The following TRPM2 variants were observed in gnomAD, a reference collection of about 807,000 sequenced individuals.
TRPM2 encodes estrogen-responsive element-associated gene 1 protein.
A neutral mutation model predicts 174.0 loss-of-function variants in TRPM2; 161 were observed. That is an observed-to-expected ratio of 0.93 (90% CI 0.81 to 1.05). The LOEUF is 1.05. Ranked by LOEUF, TRPM2 falls within the 50% of genes least tolerant of loss-of-function variation. TRPM2 has a pLI of 0.00. For missense variants in TRPM2, 2,057 were observed against 2,038.0 expected, an observed-to-expected ratio of 1.01 and a Z score of -0.18; for synonymous variants, 954 against 861.3, an observed-to-expected ratio of 1.11 and a Z score of -1.88.
intron 25 of TRPM2, 110 bp downstream of exon 25, chr21:44,425,937 C>T: frequency 2.3e-6 from 3 of 1,297,146 alleles, no homozygotes; most frequent in Non-Finnish European, 3.0e-6. Context: ...GCCACTGCAG[C>T]CACAGGGGGA....
At chr21:44,424,707 G>A (rs368572205) in intron 23 of TRPM2, 145 bp from the exon 24 acceptor site, 8 of 531,562 alleles carry the variant, frequency 1.5e-5, no homozygotes, top group South Asian at 1.2e-4. Flanking sequence ...TGGGGAGGAC[G>A]TGGTGTCTCA....
At chr21:44,423,351 C>A (rs1463095340) in intron 22 of TRPM2, 11 of 419,618 alleles carry the variant, frequency 2.6e-5, no homozygotes, top group Non-Finnish European at 4.0e-5. Flanking sequence ...TGACCTGTCA[C>A]CTGGCCCTCC....
intron 24 of TRPM2, 67 bp from the exon 25 acceptor site, chr21:44,425,603 C>T (rs938246643): frequency 1.8e-5 from 26 of 1,428,998 alleles, no homozygotes; most frequent in Non-Finnish European, 2.8e-6. Flanking sequence ...AGAGGAAGTC[C>T]TTGTCCTGCG....
At chr21:44,382,980 G>A (rs975724335) in intron 9 of TRPM2, among the ~76,000 whole-genome samples, 160 bp downstream of exon 9, 9 of 152,148 alleles carry the variant, frequency 5.9e-5, no homozygotes, top group Non-Finnish European at 8.8e-5. Context: ...GCAGGTGGGC[G>A]CCTGCCTGTC....
At chr21:44,372,482 G>A (rs1359611207) in intron 5 of TRPM2, among the ~76,000 whole-genome samples, 3 of 152,322 alleles carry the variant, frequency 2.0e-5, no homozygotes, top group South Asian at 2.1e-4. Context: ...GTGACAGAGC[G>A]AGACACCGTC....
chr21:44,385,165 G>T, intron 9 of TRPM2, among the ~76,000 whole-genome samples: 1 of 152,166 alleles, frequency 6.6e-6, no homozygotes, highest in Admixed American at 6.5e-5. Context: ...TTAACAGAAT[G>T]ATGGGGAAAA....
At position 44,401,474 on chromosome 21, in the gene TRPM2, A is replaced by T. The variant is rs188088764; in HGVS notation, c.2322-207A>T. ...TTGCTGGGCTGTGGGGTCCAGCCCC[A>T]CCCCGGTGGCTGTGTGTGAGGCTCC... On this transcript the variant is annotated intron_variant, in intron 15 of 31. Transcript: ENST00000397928. 4.2e-3 allele frequency among the ~76,000 whole-genome samples: 637 copies of T among 151,968 alleles called. 4 individuals carry two copies. The highest frequency in any genetic ancestry group is 7.6e-3 in the Non-Finnish European group (515 of 67,952).
intron 2 of TRPM2, among the ~76,000 whole-genome samples, chr21:44,361,062 G>A (rs1029880139): frequency 6.6e-6 from 1 of 152,094 alleles, no homozygotes; most frequent in Non-Finnish European, 1.5e-5. Context: ...TACGTCAATG[G>A]AATCATACGC....
chr21:44,410,375 A>G (rs28890928), intron 19 of TRPM2, among the ~76,000 whole-genome samples: 659 of 63,824 alleles, frequency 0.01, 60 homozygotes, highest in African/African-American at 0.033. Context: ...AGTTTTGACC[A>G]CACTGTCTTG....
chr21:44,439,365 G>A lies in TRPM2; in HGVS notation c.4269+197G>A, dbSNP rs2051403638. Among the ~76,000 whole-genome samples the A allele has an allele frequency of 6.6e-6, 1 of 152,088 alleles. No individual in the cohort carries two copies. Among genetic ancestry groups the A allele is most frequent in the African/African-American group, 2.4e-5 (1 of 41,404 alleles). ...GACCCGGAAGCATAGCTGTGTGCAG[G>A]GCCCCTCAGACATCTCGCCCTCCCT... On this transcript the variant is annotated intron_variant, in intron 30 of 31. Coordinates refer to ENST00000397928, the MANE Select transcript of TRPM2 (RefSeq NM_003307.4). This position sits in a 1 kb window ranked among gnomAD's most constrained non-coding sequence, Gnocchi z 5.1.
Position 44,399,528 on chromosome 21 carries a change from A to G in TRPM2, c.2208+87A>G. ...CCTCCTGTTCGTGCAGTTGGCACGC[A>G]CACTCACACAGGCTTCAGGGCCCTC... On this transcript the variant is annotated intron_variant, in intron 14 of 31. Transcript: ENST00000397928. The surrounding 1 kb of genome is among the most constrained non-coding windows in gnomAD (Gnocchi z 4.6). 2 of 1,504,962 alleles carry G rather than the reference A, an allele frequency of 1.3e-6. No individual in the cohort carries two copies. The highest frequency in any genetic ancestry group is 8.9e-7 in the Non-Finnish European group (1 of 1,125,104). The allele number at this position is 1,504,962 out of a possible 1,614,324, so 93.2% of individuals were successfully genotyped here.
intron 11 of TRPM2, among the ~76,000 whole-genome samples, chr21:44,394,275 C>A (rs903999141): frequency 2.7e-5 from 4 of 149,922 alleles, no homozygotes; most frequent in Admixed American, 2.7e-4. Flanking sequence ...AGCAGAATCT[C>A]AAGCTTATCT....
chr21:44,395,458 C>G lies in TRPM2; in HGVS notation c.1839C>G (p.Gly613=), dbSNP rs2049317626. ...GGTCCCTCTACAAGCGTTCCTCAGG[C>G]CATGTGACCTTCACCATGGACCCCA... is the stretch of plus-strand genomic sequence containing the variant. ...SLRSLYKRSS[G]HVTFTMDPIR... The change falls in exon 12 of 32, where the codon GGC becomes GGG. Residue 613 remains glycine, a synonymous_variant. Coordinates refer to ENST00000397928, the MANE Select transcript of TRPM2 (RefSeq NM_003307.4). The G allele has an allele frequency of 1.3e-5, 21 of 1,612,988 alleles. No homozygotes were observed. Among genetic ancestry groups the G allele is most frequent in the Non-Finnish European group, 1.8e-5 (21 of 1,179,976 alleles).
At chr21:44,355,539 A>C (rs1231619971) in intron 2 of TRPM2, among the ~76,000 whole-genome samples, 3 of 152,086 alleles carry the variant, frequency 2.0e-5, no homozygotes, top group African/African-American at 7.2e-5. Context: ...CCAGGAAGTG[A>C]GCTTCCCTCC....
chr21:44,357,467 G>T (rs2048091278), intron 2 of TRPM2, among the ~76,000 whole-genome samples: 1 of 152,224 alleles, frequency 6.6e-6, no homozygotes, highest in African/African-American at 2.4e-5. Flanking sequence ...CTACGTGATG[G>T]GCTTGGCAAG....
In TRPM2 at chr21:44,382,178, GATAC is replaced by G. The variant is rs1285674937; in HGVS notation, c.1216-532_1216-529del. ...GGATAGATGGATAGGTAGATAGATA[GATAC>G]ATACATATATACATAGATGAAACAC... On this transcript the variant is annotated intron_variant, in intron 8 of 31. Transcript: ENST00000397928. 6.6e-5 allele frequency among the ~76,000 whole-genome samples: 10 copies of G among 152,190 alleles called. No individual in the cohort carries two copies. In the South Asian group the frequency reaches 1.7e-3, roughly 25 times the overall value.
chr21:44,410,866 GTGAGCGTAGTCTTGTAGTAAGTT>G, intron 19 of TRPM2, among the ~76,000 whole-genome samples: 1 of 98,496 alleles, frequency 1.0e-5, no homozygotes, highest in Admixed American at 1.1e-4. Flanking sequence ...CACTGTCTTG[GTGAGCGTAGTCTTGTAGTAAGTT>G]TTGACTGCAC....
At chr21:44,357,866 C>A (rs2048103182) in intron 2 of TRPM2, among the ~76,000 whole-genome samples, 1 of 152,168 alleles carries the variant, frequency 6.6e-6, no homozygotes, top group South Asian at 2.1e-4. Flanking sequence ...GCACAGAAGC[C>A]GCTCTCATCT....
intron 22 of TRPM2, among the ~76,000 whole-genome samples, chr21:44,419,844 GC>G (rs2050479523): frequency 3.1e-5 from 1 of 31,804 alleles, no homozygotes; most frequent in African/African-American, 1.1e-4. Context: ...TGGTGATGGT[GC>G]TTCTGATGGT....
Sources: allele counts gnomAD v4.1 joint callset (sites outside exome capture counted in the v4.1 genomes callset), GRCh38; gene constraint gnomAD v4.1.1; non-coding constraint Gnocchi (gnomAD v3.1); transcripts MANE v1.5; gene names NCBI Gene and HGNC (gene_info 2026-07-23, HGNC 2026-07-21).